The following HSPA9 variants were observed in gnomAD, a reference collection of about 807,000 sequenced individuals.
The protein encoded by HSPA9 is heat shock protein family A (Hsp70) member 9.
Under a neutral mutation model 81.5 loss-of-function variants are expected in HSPA9, and 28 were observed. The ratio of observed to expected loss-of-function variants is 0.34; its 90% CI spans 0.25 to 0.47. The LOEUF (loss-of-function observed/expected upper bound fraction) is 0.47, where lower values mean the gene tolerates loss of function less well. Among genes scored for constraint, HSPA9 ranks in the 20% least tolerant of loss-of-function variants. HSPA9 has a pLI of 1.00. For missense variants in HSPA9, 678 were observed against 838.0 expected, an observed-to-expected ratio of 0.81 and a Z score of 2.36; for synonymous variants, 293 against 290.4, an observed-to-expected ratio of 1.01 and a Z score of -0.09.
chr5:138,570,985 C>G lies in HSPA9; in HGVS notation c.385G>C (p.Asp129His). ...ATKRLIGRRY[D>H]DPEVQKDIKN... ...ATGTCTTTCTGTACTTCAGGATCAT[C>G]ATATCGCCGGCCAATGAGACGCTTG... The change falls in exon 4 of 17, where the codon GAT (aspartate) becomes CAT (histidine). Residue 129 changes from aspartate (D) to histidine (H), a missense_variant. This residue lies in a region of HSPA9 where 484 missense variants were observed against 647.5 expected (regional missense o/e 0.75). Coordinates refer to ENST00000297185, the MANE Select transcript of HSPA9 (RefSeq NM_004134.7). The G allele has an allele frequency of 6.2e-7, 1 of 1,614,164 alleles. No homozygotes were observed. The highest frequency in any genetic ancestry group is 8.5e-7 in the Non-Finnish European group (1 of 1,180,036).
At position 138,567,031 on chromosome 5, in the gene HSPA9, T is replaced by C. The variant is rs759436173; in HGVS notation, c.849A>G (p.Leu283=). 1.2e-6 allele frequency: 2 copies of C among 1,613,320 alleles called. No homozygotes were observed. The highest frequency in any genetic ancestry group is 1.7e-6 in the Non-Finnish European group (2 of 1,179,990). The change falls in exon 8 of 17, where the codon CTA becomes CTG. Residue 283 remains leucine, a synonymous_variant. Coordinates refer to ENST00000297185, the MANE Select transcript of HSPA9 (RefSeq NM_004134.7). ...LGGEDFDQAL[L]RHIVKEFKRE... is the part of the protein sequence containing the mutation. Reference sequence around the variant, plus strand: ...TCTTGAACTCCTTCACAATGTGCCGTAGCAAGGCCTGGTCAAAGTCTTCCC... The same window carrying C: ...TCTTGAACTCCTTCACAATGTGCCGCAGCAAGGCCTGGTCAAAGTCTTCCC...
In HSPA9 at chr5:138,573,756, T is replaced by A; in HGVS notation, c.228+7A>T. ...TGGATAAGGTACTAGTTATCAATCA[T>A]GCTCACCTTTGCTTGTTTACCTTCC... On this transcript the variant is annotated splice_region_variant and intron_variant, in intron 3 of 16. Coordinates refer to ENST00000297185, the MANE Select transcript of HSPA9 (RefSeq NM_004134.7). The A allele has an allele frequency of 6.4e-7, 1 of 1,572,374 alleles. No individual in the cohort carries two copies. Among genetic ancestry groups the A allele is most frequent in the Non-Finnish European group, 8.7e-7 (1 of 1,145,692 alleles).
intron 9 of HSPA9, among the ~76,000 whole-genome samples, chr5:138,566,228 T>C (rs1193403266): frequency 7.2e-6 from 1 of 139,494 alleles, no homozygotes; most frequent in East Asian, 2.4e-4. Flanking sequence ...ACTCAGAGAC[T>C]CTCCAATTCA....
rs1750668741 is a variant in HSPA9, at chr5:138,561,926, G to T, written c.973-137C>A. The stretch of plus-strand genomic sequence containing the variant: ...AGGGAGGGTGAGATCTAATTTAAAT[G>T]AATAGTCACCAAGAATACTTTTTTT... On this transcript the variant is annotated intron_variant, in intron 9 of 16. Coordinates refer to ENST00000297185, the MANE Select transcript of HSPA9 (RefSeq NM_004134.7). The T allele has an allele frequency of 6.8e-6, 5 of 734,072 alleles. No individual in the cohort carries two copies. The Admixed American group carries it at 8.0e-5, about 12-fold the overall frequency. 45.5% of individuals were successfully genotyped at this position (734,072 alleles called of 1,614,324 possible).
chr5:138,556,572 C>T lies in HSPA9; in HGVS notation c.1842G>A (p.Glu614=). The T allele has an allele frequency of 6.2e-7, 1 of 1,614,060 alleles. No individual in the cohort carries two copies. Among genetic ancestry groups the T allele is most frequent in the Non-Finnish European group, 8.5e-7 (1 of 1,180,032 alleles). ...CCAGGAGCTCCCTCATTTTGGAAAT[C>T]TCTTCTTTCAGCTTGTTGCACTTAA... is the stretch of plus-strand genomic sequence containing the variant. The part of the protein sequence containing the change: ...PADECNKLKE[E]ISKMRELLAR... Residue 614 remains glutamate (E), a synonymous_variant, in exon 16 of 17, where the codon GAG becomes GAA. Transcript: ENST00000297185.
rs1750554260 is a variant in HSPA9, at chr5:138,557,496, A to C, written c.1634T>G (p.Ile545Ser). The C allele has an allele frequency of 6.4e-7, 1 of 1,561,518 alleles. No individual in the cohort carries two copies. The highest frequency in any genetic ancestry group is 8.8e-7 in the Non-Finnish European group (1 of 1,133,542). Residue 545 changes from isoleucine to serine, a missense_variant and splice_region_variant, in exon 14 of 17, where the codon ATT becomes AGT. Around this residue, in one of 4 missense-constraint regions of HSPA9, gnomAD observed 484 missense variants for 647.5 expected, o/e 0.75. Transcript: ENST00000297185. ...TAATCCACCAGAAGACTGGATTACAACTGTAGTAAACAGAAGGCATTTCAT... is the reference window on the plus strand; with the variant it reads ...TAATCCACCAGAAGACTGGATTACACCTGTAGTAAACAGAAGGCATTTCAT... ...KDKGTGREQQ[I>S]VIQSSGGLSK...
rs759551229 is a variant in HSPA9, at chr5:138,556,000, A to C, written c.*37T>G. Reference sequence around the variant, plus strand: ...GGAAGTCTCTTCACTCCTAAGCTTCATATGTTGTCCTTCTGGCTTCAAAAT... The same window carrying C: ...GGAAGTCTCTTCACTCCTAAGCTTCCTATGTTGTCCTTCTGGCTTCAAAAT... On this transcript the variant is annotated 3_prime_UTR_variant, in exon 17 of 17. Transcript: ENST00000297185. The C allele has an allele frequency of 6.2e-6, 9 of 1,458,808 alleles. No individual in the cohort carries two copies. The highest frequency in any genetic ancestry group is 8.7e-6 in the Non-Finnish European group (9 of 1,039,390). The allele number at this position is 1,458,808 out of a possible 1,614,324, so 90.4% of individuals were successfully genotyped here.
At chr5:138,574,243 A>G in intron 1 of HSPA9, 117 bp from the exon 2 acceptor site, 1 of 730,590 alleles carries the variant, frequency 1.4e-6, no homozygotes, top group Non-Finnish European at 2.5e-6. Context: ...AGTAAATATT[A>G]AAGTTTCCCA....
rs554436872 is a variant in HSPA9 at position 138,567,375 on chromosome 5, G to A, written c.716+80C>T. 4.5e-5 allele frequency: 53 copies of A among 1,177,124 alleles called. No homozygotes were observed. The South Asian group carries it at 6.4e-4, about 14-fold the overall frequency. The allele number at this position is 1,177,124 out of a possible 1,614,324, so 72.9% of individuals were successfully genotyped here. ...CAGACTTAAAATCAGTAAAAGCACT[G>A]TAAAAGGCTCAATTACTAAAAAATT... On this transcript the variant is annotated intron_variant, in intron 7 of 16. Transcript: ENST00000297185.
chr5:138,570,636 C>G (rs1750862303), intron 4 of HSPA9, among the ~76,000 whole-genome samples: 1 of 152,112 alleles, frequency 6.6e-6, no homozygotes. Flanking sequence ...CAGGCACCCA[C>G]CATCATGCAC....
chr5:138,564,999 C>G (rs1434767733), intron 9 of HSPA9, among the ~76,000 whole-genome samples: 1 of 152,166 alleles, frequency 6.6e-6, no homozygotes, highest in East Asian at 1.9e-4. Flanking sequence ...GTCCATCTTT[C>G]CAAACCACAA....
intron 4 of HSPA9, among the ~76,000 whole-genome samples, chr5:138,570,198 G>C (rs1750848346): frequency 6.6e-6 from 1 of 151,962 alleles, no homozygotes; most frequent in African/African-American, 2.4e-5. Flanking sequence ...AGGCAGGCTG[G>C]GCATGGTGGC....
intron 12 of HSPA9, 76 bp downstream of exon 12, chr5:138,558,477 A>C (rs1308060320): frequency 6.0e-6 from 6 of 998,116 alleles, no homozygotes; most frequent in Non-Finnish European, 9.7e-6. Flanking sequence ...AGTTTATACT[A>C]ATATTTTTAT....
At position 138,559,974 on chromosome 5, in the gene HSPA9, C is replaced by A; in HGVS notation, c.1300G>T (p.Asp434Tyr). ...QGGVLAGDVT[D>Y]VLLLDVTPLS... ...GGAGTGACATCAAGGAGCAGCACAT[C>A]CGTGACATCGCCGGCCAACACACCT... Residue 434 changes from aspartate to tyrosine, a missense_variant, in exon 11 of 17, where the codon GAT (aspartate) becomes TAT (tyrosine). Physicochemically the swap from Asp to Tyr is radical, Grantham distance 160. Coordinates refer to ENST00000297185, the MANE Select transcript of HSPA9 (RefSeq NM_004134.7). The A allele has an allele frequency of 6.2e-7, 1 of 1,614,144 alleles. No individual in the cohort carries two copies. Among genetic ancestry groups the A allele is most frequent in the Non-Finnish European group, 8.5e-7 (1 of 1,180,014 alleles).
intron 9 of HSPA9, 61 bp downstream of exon 9, chr5:138,566,565 A>G: frequency 8.6e-7 from 1 of 1,165,358 alleles, no homozygotes; most frequent in Non-Finnish European, 1.3e-6. Context: ...AATACTATTT[A>G]TTTTAAATAA....
intron 9 of HSPA9, 147 bp from the exon 10 acceptor site, chr5:138,561,936 C>T: frequency 1.4e-6 from 1 of 699,752 alleles, no homozygotes; most frequent in Non-Finnish European, 2.6e-6. Context: ...GAATAGTCAC[C>T]AAGAATACTT....
chr5:138,557,843 A>AGG, intron 13 of HSPA9, 26 bp downstream of exon 13: 1 of 1,393,350 alleles, frequency 7.2e-7, no homozygotes, highest in Non-Finnish European at 1.0e-6. Context: ...CCTCACTCTT[A>AGG]GGGTCTGATA....
intron 4 of HSPA9, 49 bp from the exon 5 acceptor site, chr5:138,569,098 C>T (rs1272266316): frequency 6.3e-7 from 1 of 1,589,320 alleles, no homozygotes; most frequent in Non-Finnish European, 8.6e-7. Flanking sequence ...AACAACTTAC[C>T]ATGACAAAAT....
chr5:138,574,224 T>C, intron 1 of HSPA9, 98 bp from the exon 2 acceptor site: 1 of 799,390 alleles, frequency 1.3e-6, no homozygotes, highest in East Asian at 2.5e-5. Flanking sequence ...TACATTAAGC[T>C]ACTAAAACAG....
Sources: gnomAD v4.1 joint callset for allele counts (sites outside exome capture counted in the v4.1 genomes callset) on GRCh38, gnomAD v4.1.1 for gene constraint, gnomAD v4.1.1 regional missense constraint, MANE v1.5 for transcripts, NCBI Gene and HGNC (gene_info 2026-07-23, HGNC 2026-07-21) for gene names.